The following LCP1 variants were observed in gnomAD, a reference collection of about 807,000 sequenced individuals.
The protein encoded by LCP1 is lymphocyte cytosolic protein 1, also known as plastin-2.
LCP1 carries 23 observed loss-of-function variants against 72.0 expected under a neutral mutation model. The ratio of observed to expected loss-of-function variants is 0.32; its 90% CI spans 0.23 to 0.45. LCP1 has a LOEUF of 0.45. Ranked by LOEUF, LCP1 falls within the 20% of genes least tolerant of loss-of-function variation. The pLI, the probability that LCP1 is intolerant of heterozygous loss-of-function variation, is 1.00. For missense variants in LCP1, 571 were observed against 748.3 expected (o/e 0.76, Z 2.76); for synonymous variants, 245 against 275.4 (o/e 0.89, Z 1.09).
In LCP1 at chr13:46,126,839, G is replaced by A. The variant is rs1566430515; in HGVS notation, c.*752C>T. ...CAGAGTATTCAAGATGTTAGATCTG[G>A]TCCAAGCCCAAATTCTAGAGTTAAA... is the stretch of plus-strand genomic sequence containing the variant. On this transcript the variant is annotated 3_prime_UTR_variant, in exon 16 of 16. Transcript: ENST00000323076. 2 of 230,854 alleles carry A rather than the reference G, an allele frequency of 8.7e-6. No individual in the cohort carries two copies. The highest frequency in any genetic ancestry group is 1.7e-5 in the Non-Finnish European group (2 of 116,664). 14.3% of individuals were successfully genotyped at this position (230,854 alleles called of 1,614,324 possible). A position where few individuals can be genotyped will look rare whatever the true frequency, so the allele number is the denominator to read the frequency against.
chr13:46,165,644 G>T (rs56962961), intron 1 of LCP1, among the ~76,000 whole-genome samples: 2 of 152,100 alleles, frequency 1.3e-5, no homozygotes, highest in African/African-American at 2.4e-5. Context: ...AGCTCTGCCC[G>T]ACTGCTCCTG....
At position 46,127,542 on chromosome 13, in the gene LCP1, C is replaced by T. The variant is rs139096633; in HGVS notation, c.*49G>A. 889 of 1,608,460 alleles carry T rather than the reference C, an allele frequency of 5.5e-4. 4 individuals carry two copies. The African/African-American group carries it at 9.0e-3, about 16-fold the overall frequency. On this transcript the variant is annotated 3_prime_UTR_variant, in exon 16 of 16. Coordinates refer to ENST00000323076, the MANE Select transcript of LCP1 (RefSeq NM_002298.5). ...TGAATCATCCCTGGAGCATCTGTGC[C>T]GGGCAGTCAGGAGTGAGTGCACCGC...
Position 46,159,200 on chromosome 13 carries a change from G to T in LCP1, c.65-211C>A, listed in dbSNP as rs892804515. ...TACTTTCAACATCCACAGTAAAAGA[G>T]TCATAATTTCTATAAGGTACCTCTG... is the stretch of plus-strand genomic sequence containing the variant. On this transcript the variant is annotated intron_variant, in intron 2 of 15. Coordinates refer to ENST00000323076, the MANE Select transcript of LCP1 (RefSeq NM_002298.5). The T allele has an allele frequency of 7.1e-6, 4 of 563,844 alleles. No individual in the cohort carries two copies. In the African/African-American group the frequency reaches 7.5e-5, roughly 11 times the overall value. The allele number at this position is 563,844 out of a possible 1,614,324, so 34.9% of individuals were successfully genotyped here. A position where few individuals can be genotyped will look rare whatever the true frequency, so the allele number is the denominator to read the frequency against.
In LCP1 at chr13:46,144,428, C is replaced by T; in HGVS notation, c.1253+14G>A. On this transcript the variant is annotated intron_variant, in intron 11 of 15. Transcript: ENST00000323076. ...CTCTATCTTACATTAGAATGAGTTC[C>T]CAAATATTCCTACCTGTACAAATGA... 1 of 1,599,174 alleles carries T rather than the reference C, an allele frequency of 6.3e-7. No homozygotes were observed. Among genetic ancestry groups the T allele is most frequent in the Non-Finnish European group, 8.6e-7 (1 of 1,166,960 alleles).
chr13:46,167,648 C>T (rs1340527843), intron 1 of LCP1, among the ~76,000 whole-genome samples: 1 of 152,220 alleles, frequency 6.6e-6, no homozygotes, highest in Admixed American at 6.5e-5. Flanking sequence ...ACTGAAAGCT[C>T]AGAGTACCCC....
intron 1 of LCP1, among the ~76,000 whole-genome samples, chr13:46,175,826 T>C (rs1241065683): frequency 2.6e-5 from 4 of 152,230 alleles, no homozygotes; most frequent in Non-Finnish European, 5.9e-5. Context: ...TTCGCATTTT[T>C]AAGATGACAA....
At chr13:46,150,246 C>A (rs1433820244) in intron 8 of LCP1, among the ~76,000 whole-genome samples, 1 of 152,174 alleles carries the variant, frequency 6.6e-6, no homozygotes, top group African/African-American at 2.4e-5. Flanking sequence ...TTCTAGGGAC[C>A]GCTTTCCATT....
chr13:46,177,996 T>G (rs1025512975), intron 1 of LCP1, among the ~76,000 whole-genome samples: 2 of 150,864 alleles, frequency 1.3e-5, no homozygotes, highest in African/African-American at 5.0e-5. Context: ...ACTTGAGGGC[T>G]TAGTTACAAA....
At chr13:46,163,511 G>A (rs2045858259) in intron 1 of LCP1, among the ~76,000 whole-genome samples, 1 of 152,010 alleles carries the variant, frequency 6.6e-6, no homozygotes, top group Non-Finnish European at 1.5e-5. Context: ...AAGGCCGCAG[G>A]GTCCTCTGCC....
chr13:46,130,082 CTG>C (rs1253924092), intron 15 of LCP1, among the ~76,000 whole-genome samples: 1 of 152,204 alleles, frequency 6.6e-6, no homozygotes, highest in Non-Finnish European at 1.5e-5. Flanking sequence ...GCTCCTATAA[CTG>C]TGAGAGAAGA....
chr13:46,157,100 G>A (rs2045807319), intron 4 of LCP1, among the ~76,000 whole-genome samples: 1 of 151,850 alleles, frequency 6.6e-6, no homozygotes, highest in African/African-American at 2.4e-5. Context: ...GATTGCAGGT[G>A]TGAGCCACCG....
chr13:46,172,739 A>G (rs2045910502), intron 1 of LCP1, among the ~76,000 whole-genome samples: 1 of 151,360 alleles, frequency 6.6e-6, no homozygotes, highest in Non-Finnish European at 1.5e-5. Context: ...TACAAACAAC[A>G]AAATAATTCT....
chr13:46,151,117 G>T (rs370888874), intron 7 of LCP1, 39 bp from the exon 8 acceptor site: 17 of 1,578,758 alleles, frequency 1.1e-5, no homozygotes, highest in Non-Finnish European at 1.5e-5. Context: ...TAAATGCAGC[G>T]ATGTTGGGGG....
chr13:46,142,133 G>GA lies in LCP1; in HGVS notation c.1502+158dup, dbSNP rs1204253449. Among the ~76,000 whole-genome samples the GA allele has an allele frequency of 1.8e-3, 257 of 141,026 alleles. 2 individuals are homozygous for GA. The highest frequency in any genetic ancestry group is 4.7e-3 in the African/African-American group (181 of 38,376). The allele number at this position is 141,026 out of a possible 152,430, so 92.5% of individuals were successfully genotyped here. A position where few individuals can be genotyped will look rare whatever the true frequency, so the allele number is the denominator to read the frequency against. Reference sequence around the variant, plus strand: ...ACTTGAAACAAAAACTGATAGGACTGAAAAAAAAAAAGCAGAAAGGTAAAA... The same window carrying GA: ...ACTTGAAACAAAAACTGATAGGACTGAAAAAAAAAAAAGCAGAAAGGTAAAA... On this transcript the variant is annotated intron_variant, in intron 13 of 15. Coordinates refer to ENST00000323076, the MANE Select transcript of LCP1 (RefSeq NM_002298.5).
chr13:46,181,273 T>C (rs1410565230), intron 1 of LCP1, among the ~76,000 whole-genome samples: 3 of 152,252 alleles, frequency 2.0e-5, no homozygotes, highest in Non-Finnish European at 2.9e-5. Flanking sequence ...TATGTGATAG[T>C]GGTAATTAAG....
chr13:46,154,453 C>A lies in LCP1; in HGVS notation c.573+352G>T, dbSNP rs75772031. 1.8e-3 allele frequency among the ~76,000 whole-genome samples: 280 copies of A among 152,322 alleles called. 4 individuals carry two copies. In the East Asian group the frequency reaches 0.05, roughly 27 times the overall value. On this transcript the variant is annotated intron_variant, in intron 6 of 15. Transcript: ENST00000323076. ...GGCTGCCAGAGTACTTCCCGTTTTT[C>A]ACCCCCTCGCTTCTTAGAAAGGCTT...
At chr13:46,132,746 C>T (rs1287757724) in intron 14 of LCP1, among the ~76,000 whole-genome samples, 2 of 152,136 alleles carry the variant, frequency 1.3e-5, no homozygotes, top group East Asian at 3.9e-4. Flanking sequence ...GAACAGTAGG[C>T]TGGAGATAGA....
intron 7 of LCP1, among the ~76,000 whole-genome samples, chr13:46,151,629 T>C (rs1024032749): frequency 2.6e-5 from 4 of 152,238 alleles, no homozygotes; most frequent in Non-Finnish European, 4.4e-5. Context: ...AGGTCATTAT[T>C]TGAAGATCAA....
chr13:46,131,493 C>A (rs1297875468), intron 14 of LCP1, among the ~76,000 whole-genome samples: 45 of 152,274 alleles, frequency 3.0e-4, no homozygotes, highest in Admixed American at 1.3e-4. Flanking sequence ...AACCAGCAAT[C>A]CCAATATTGG....
Sources: gnomAD v4.1 joint callset for allele counts (sites outside exome capture counted in the v4.1 genomes callset) on GRCh38, gnomAD v4.1.1 for gene constraint, MANE v1.5 for transcripts, NCBI Gene and HGNC (gene_info 2026-07-23, HGNC 2026-07-21) for gene names.